Variants in UTRN observed in about 807,000 individuals in gnomAD.
UTRN encodes the protein dystrophin-related protein 1.
A neutral mutation model predicts 463.9 loss-of-function variants in UTRN; 283 were observed. The observed-to-expected ratio is 0.61, with a 90% CI of 0.55 to 0.67. The LOEUF is 0.67. Among genes scored for constraint, UTRN ranks in the 30% least tolerant of loss-of-function variants. The pLI, the probability that UTRN is intolerant of heterozygous loss-of-function variation, is 0.00. For missense variants in UTRN, 3,922 were observed against 4,084.3 expected (o/e 0.96, Z 1.08); for synonymous variants, 1,442 against 1,431.5 (o/e 1.01, Z -0.17).
intron 55 of UTRN, among the ~76,000 whole-genome samples, chr6:144,748,937 T>G (rs1172468476): frequency 6.6e-6 from 1 of 152,166 alleles, no homozygotes; most frequent in East Asian, 1.9e-4. Context: ...ATTGTGTCCA[T>G]ATGGTATAGT....
At chr6:144,653,256 A>G (rs1222926132) in intron 51 of UTRN, among the ~76,000 whole-genome samples, 1 of 152,178 alleles carries the variant, frequency 6.6e-6, no homozygotes, top group African/African-American at 2.4e-5. Context: ...ATGTACGTGC[A>G]TACATATTAG....
chr6:144,307,599 G>A (rs907863301), intron 2 of UTRN, among the ~76,000 whole-genome samples: 1 of 152,118 alleles, frequency 6.6e-6, no homozygotes, highest in African/African-American at 2.4e-5. Context: ...CTCAAATTCT[G>A]GTCCTTACTT....
chr6:144,816,054 A>G (rs1586689702), intron 65 of UTRN, among the ~76,000 whole-genome samples: 1 of 152,324 alleles, frequency 6.6e-6, no homozygotes, highest in Non-Finnish European at 1.5e-5. Flanking sequence ...TCTTGACAAA[A>G]GTCTGCTGCA....
chr6:144,503,385 C>T (rs1228771484), intron 34 of UTRN, among the ~76,000 whole-genome samples: 2 of 152,018 alleles, frequency 1.3e-5, no homozygotes, highest in Admixed American at 1.3e-4. Context: ...GGTTTTAGGT[C>T]TTACGTTTAA....
chr6:144,313,838 C>G (rs1775097892), intron 2 of UTRN, among the ~76,000 whole-genome samples: 1 of 152,114 alleles, frequency 6.6e-6, no homozygotes, highest in Non-Finnish European at 1.5e-5. Context: ...AAGGCAAGGT[C>G]CTTGCTTGTC....
intron 60 of UTRN, among the ~76,000 whole-genome samples, chr6:144,781,230 C>T (rs563479762): frequency 7.2e-5 from 11 of 152,146 alleles, no homozygotes; most frequent in Non-Finnish European, 1.5e-4. Context: ...AGCTACAGGT[C>T]ACCTCTGTGT....
At chr6:144,357,761 A>G (rs989710585) in intron 2 of UTRN, among the ~76,000 whole-genome samples, 1 of 152,170 alleles carries the variant, frequency 6.6e-6, no homozygotes, top group East Asian at 1.9e-4. Flanking sequence ...TTATTTGCTG[A>G]TATTGGTTGG....
chr6:144,713,786 G>A (rs575314568), intron 53 of UTRN, among the ~76,000 whole-genome samples: 19 of 151,390 alleles, frequency 1.3e-4, no homozygotes, highest in African/African-American at 4.4e-4. Context: ...CAGGCATAGC[G>A]GCACATGCCT....
chr6:144,357,547 T>C (rs2114675332), intron 2 of UTRN, among the ~76,000 whole-genome samples: 1 of 152,370 alleles, frequency 6.6e-6, no homozygotes, highest in South Asian at 2.1e-4. Context: ...TTACTGATTC[T>C]ATGGTATCCA....
chr6:144,306,732 C>A (rs1303819669), intron 2 of UTRN, among the ~76,000 whole-genome samples: 2 of 151,882 alleles, frequency 1.3e-5, no homozygotes, highest in Admixed American at 1.3e-4. Context: ...TTTCCTGAGT[C>A]ATTTTTTGAG....
intron 51 of UTRN, among the ~76,000 whole-genome samples, chr6:144,647,607 C>T (rs1175142864): frequency 6.6e-6 from 1 of 152,234 alleles, no homozygotes; most frequent in Non-Finnish European, 1.5e-5. Context: ...AGCTGCTTAT[C>T]TGGAGCTTTG....
chr6:144,828,485 G>A (rs1048697911), intron 68 of UTRN, among the ~76,000 whole-genome samples: 6 of 152,198 alleles, frequency 3.9e-5, no homozygotes, highest in African/African-American at 1.2e-4. Context: ...AGAATGTCAC[G>A]CTCACTTAGA....
At chr6:144,440,318 A>G (rs757647716) in intron 12 of UTRN, 34 bp from the exon 13 acceptor site, 2 of 1,612,478 alleles carry the variant, frequency 1.2e-6, no homozygotes, top group Non-Finnish European at 1.7e-6. Flanking sequence ...ATGTGAAAGT[A>G]GAAATAATGG....
At chr6:144,309,334 C>T (rs1436450473) in intron 2 of UTRN, among the ~76,000 whole-genome samples, 1 of 152,224 alleles carries the variant, frequency 6.6e-6, no homozygotes, top group Non-Finnish European at 1.5e-5. Flanking sequence ...TTCCTCTGAA[C>T]TGCATACTTG....
intron 4 of UTRN, among the ~76,000 whole-genome samples, chr6:144,423,152 G>T (rs1457477480): frequency 6.6e-6 from 1 of 152,204 alleles, no homozygotes; most frequent in Non-Finnish European, 1.5e-5. Flanking sequence ...GAGAAAGGAA[G>T]CTTTGTTCAT....
At chr6:144,828,123 A>G in intron 68 of UTRN, among the ~76,000 whole-genome samples, 1 of 152,182 alleles carries the variant, frequency 6.6e-6, no homozygotes, top group East Asian at 1.9e-4. Flanking sequence ...GACTTTCAGA[A>G]AAGTGGTATA....
intron 54 of UTRN, among the ~76,000 whole-genome samples, chr6:144,732,247 T>TATAC (rs1554359981): frequency 6.0e-4 from 68 of 112,866 alleles, no homozygotes; most frequent in African/African-American, 2.1e-3. Context: ...TACATATATA[T>TATAC]ATATATATAT....
At chr6:144,400,358 A>T (rs1584618978) in intron 2 of UTRN, among the ~76,000 whole-genome samples, 1 of 152,118 alleles carries the variant, frequency 6.6e-6, no homozygotes, top group South Asian at 2.1e-4. Context: ...CAGACTGTGG[A>T]AGTTCTGTAT....
chr6:144,406,574 C>G (rs1783435115), intron 3 of UTRN, among the ~76,000 whole-genome samples: 1 of 152,056 alleles, frequency 6.6e-6, no homozygotes, highest in Non-Finnish European at 1.5e-5. Flanking sequence ...ACCATGTTGG[C>G]TAGGCTGGTT....
Sources: gnomAD v4.1 joint callset for allele counts (sites outside exome capture counted in the v4.1 genomes callset) on GRCh38, gnomAD v4.1.1 for gene constraint, MANE v1.5 for transcripts, NCBI Gene and HGNC (gene_info 2026-07-23, HGNC 2026-07-21) for gene names.